EIPR1: variants seen among roughly 807,000 people sequenced by gnomAD.
EIPR1 encodes the protein EARP complex and GARP complex interacting protein 1, also known as EARP and GARP complex-interacting protein 1.
Under a neutral mutation model 48.1 loss-of-function variants are expected in EIPR1, and 25 were observed. The ratio of observed to expected loss-of-function variants is 0.52; its 90% CI spans 0.38 to 0.73. The LOEUF (loss-of-function observed/expected upper bound fraction) is 0.73. Ranked by LOEUF, EIPR1 falls within the 30% of genes least tolerant of loss-of-function variation. The pLI is 0.00. For missense variants in EIPR1, 415 were observed against 506.2 expected (o/e 0.82, Z 1.73); for synonymous variants, 204 against 201.9 (o/e 1.01, Z -0.09).
At position 3,330,937 on chromosome 2, in the gene EIPR1, C is replaced by T. The variant is rs532214424; in HGVS notation, c.259+7080G>A. Among the ~76,000 whole-genome samples, 284 of 151,730 alleles carry T rather than the reference C, an allele frequency of 1.9e-3. 2 individuals carry two copies. Among genetic ancestry groups the T allele is most frequent in the Non-Finnish European group, 3.4e-3 (234 of 67,942 alleles). ...AAGCAGAGACTGGCAAGTGTACACTCGTGAGATGGTGTGAGCAGAGGCAAG... is the reference window on the plus strand; with the variant it reads ...AAGCAGAGACTGGCAAGTGTACACTTGTGAGATGGTGTGAGCAGAGGCAAG... On this transcript the variant is annotated intron_variant, in intron 3 of 8. Coordinates refer to ENST00000382125, the MANE Select transcript of EIPR1 (RefSeq NM_003310.5).
At chr2:3,291,807 G>A (rs1026129591) in intron 3 of EIPR1, among the ~76,000 whole-genome samples, 11 of 152,172 alleles carry the variant, frequency 7.2e-5, no homozygotes, top group Admixed American at 4.6e-4. Flanking sequence ...ATCAACCTTA[G>A]TGCCGTTTTC....
At chr2:3,304,969 C>A (rs1443713839) in intron 3 of EIPR1, among the ~76,000 whole-genome samples, 1 of 122,808 alleles carries the variant, frequency 8.1e-6, no homozygotes, top group Non-Finnish European at 1.8e-5. Flanking sequence ...CAGTTCAACT[C>A]TCCACTCCCG....
At chr2:3,261,878 G>A (rs995998058) in intron 3 of EIPR1, 19 of 152,210 alleles carry the variant, frequency 1.2e-4, no homozygotes, top group African/African-American at 2.9e-4. Flanking sequence ...CTGCCTCCCC[G>A]TCCCAACCCA....
intron 4 of EIPR1, among the ~76,000 whole-genome samples, chr2:3,239,421 G>C (rs1296019453): frequency 2.6e-5 from 4 of 152,328 alleles, no homozygotes; most frequent in African/African-American, 9.6e-5. Context: ...CCATCTCTGT[G>C]GTTGATGCAC....
At chr2:3,241,792 G>T (rs2103188277) in intron 4 of EIPR1, among the ~76,000 whole-genome samples, 1 of 152,270 alleles carries the variant, frequency 6.6e-6, no homozygotes, top group Non-Finnish European at 1.5e-5. Flanking sequence ...CTTCTTTGAG[G>T]CATTCACAAG....
chr2:3,306,459 G>C (rs1209845434), intron 3 of EIPR1, among the ~76,000 whole-genome samples: 2 of 151,998 alleles, frequency 1.3e-5, no homozygotes, highest in Non-Finnish European at 2.9e-5. Context: ...ACAGTTTAGG[G>C]GCACCAAACC....
At chr2:3,313,822 GAAGGA>G (rs1175599206) in intron 3 of EIPR1, among the ~76,000 whole-genome samples, 1 of 152,148 alleles carries the variant, frequency 6.6e-6, no homozygotes, top group Non-Finnish European at 1.5e-5. Context: ...GGGCAGAAAT[GAAGGA>G]AAAAACAGGA....
At chr2:3,302,856 G>A (rs1262440924) in intron 3 of EIPR1, among the ~76,000 whole-genome samples, 1 of 152,196 alleles carries the variant, frequency 6.6e-6, no homozygotes, top group African/African-American at 2.4e-5. Context: ...GCATGCAGCA[G>A]AGAGGGATCA....
intron 2 of EIPR1, among the ~76,000 whole-genome samples, chr2:3,347,790 G>A (rs1256814495): frequency 3.3e-5 from 5 of 152,252 alleles, no homozygotes; most frequent in Non-Finnish European, 4.4e-5. Flanking sequence ...AGTTCACACT[G>A]AAGACAGTAA....
At chr2:3,323,366 C>T (rs1274215208) in intron 3 of EIPR1, among the ~76,000 whole-genome samples, 1 of 152,164 alleles carries the variant, frequency 6.6e-6, no homozygotes, top group Non-Finnish European at 1.5e-5. Context: ...CCCCAGTATC[C>T]CCGGCTTCCT....
intron 4 of EIPR1, among the ~76,000 whole-genome samples, chr2:3,220,968 A>G (rs76422081): frequency 0.17 from 6,755 of 39,442 alleles, 2,233 homozygotes; most frequent in East Asian, 0.44. Context: ...GCACACGATG[A>G]CCATGGTACA....
At chr2:3,314,179 C>G (rs1669215333) in intron 3 of EIPR1, among the ~76,000 whole-genome samples, 1 of 152,180 alleles carries the variant, frequency 6.6e-6, no homozygotes, top group Non-Finnish European at 1.5e-5. Context: ...CTACAGTCTT[C>G]CTGACATTTC....
intron 4 of EIPR1, among the ~76,000 whole-genome samples, chr2:3,222,218 C>G (rs1665918246): frequency 6.6e-6 from 1 of 152,238 alleles, no homozygotes; most frequent in Non-Finnish European, 1.5e-5. Flanking sequence ...TCATCTTAGC[C>G]TAGTTTTGCT....
At chr2:3,376,546 T>C in intron 1 of EIPR1, among the ~76,000 whole-genome samples, 1 of 151,784 alleles carries the variant, frequency 6.6e-6, no homozygotes, top group East Asian at 1.9e-4. Flanking sequence ...CAAAAATTAG[T>C]CGGGCGTGGT....
intron 3 of EIPR1, among the ~76,000 whole-genome samples, chr2:3,325,449 A>G (rs943239894): frequency 2.6e-5 from 4 of 152,220 alleles, no homozygotes; most frequent in Non-Finnish European, 2.9e-5. Context: ...CAAGACAGTG[A>G]AGCGGTGACA....
chr2:3,330,963 C>CAGAGGCAAGT (rs1572452514), intron 3 of EIPR1, among the ~76,000 whole-genome samples: 1 of 148,166 alleles, frequency 6.7e-6, no homozygotes, highest in African/African-American at 2.5e-5. Context: ...CAGAGGCAAG[C>CAGAGGCAAGT]GCATGTACAC....
At chr2:3,294,945 TA>T (rs1558279797) in intron 3 of EIPR1, among the ~76,000 whole-genome samples, 13 of 66,200 alleles carry the variant, frequency 2.0e-4, no homozygotes, top group African/African-American at 3.3e-4. Context: ...CCATCCTCTC[TA>T]CACACACACA....
intron 2 of EIPR1, chr2:3,353,160 T>C (rs1386500442): frequency 4.4e-6 from 2 of 451,152 alleles, no homozygotes; most frequent in East Asian, 7.1e-5. Context: ...TTTACCTATA[T>C]GTAAGTATAG....
Position 3,257,454 on chromosome 2 carries a change from A to G in EIPR1, c.261T>C (p.Thr87=). 1.2e-6 allele frequency: 2 copies of G among 1,614,154 alleles called. No individual in the cohort carries two copies. Among genetic ancestry groups the G allele is most frequent in the Non-Finnish European group, 1.7e-6 (2 of 1,180,000 alleles). ...RGVLTTCYNR[T]SDSKVLTCAA... ...CACATGTCAGGACTTTGCTGTCTGA[A>G]GCTGAGCAACAGAGCATAATGGATA... Residue 87 remains threonine (T), a splice_region_variant and synonymous_variant, in exon 4 of 9, where the codon ACT becomes ACC. Transcript: ENST00000382125.
Sources: allele counts gnomAD v4.1 joint callset (sites outside exome capture counted in the v4.1 genomes callset), GRCh38; gene constraint gnomAD v4.1.1; transcripts MANE v1.5; gene names NCBI Gene and HGNC (gene_info 2026-07-23, HGNC 2026-07-21).